The following RBFOX1 variants were observed in gnomAD, a reference collection of about 807,000 sequenced individuals.
The protein encoded by RBFOX1 is RNA binding protein fox-1 homolog 1.
RBFOX1 carries 8 observed loss-of-function variants against 57.7 expected under a neutral mutation model. The observed-to-expected ratio is 0.14, with a 90% confidence interval of 0.08 to 0.25. RBFOX1 has a LOEUF of 0.25. Ranked by LOEUF, RBFOX1 falls within the 10% of genes least tolerant of loss-of-function variation. RBFOX1 has a pLI of 1.00. For synonymous variants in RBFOX1, 326 were observed against 222.4 expected (o/e 1.47, Z -4.15); for missense variants, 611 against 548.5 (o/e 1.11, Z -1.14).
intron 2 of RBFOX1, among the ~76,000 whole-genome samples, chr16:6,493,437 G>A (rs2095681754): frequency 6.6e-6 from 1 of 152,072 alleles, no homozygotes; most frequent in African/African-American, 2.4e-5. Flanking sequence ...TATCCTCCCA[G>A]CTGTGTGTGT....
At chr16:6,357,332 G>T (rs1055762987) in intron 2 of RBFOX1, among the ~76,000 whole-genome samples, 1 of 152,050 alleles carries the variant, frequency 6.6e-6, no homozygotes, top group Non-Finnish European at 1.5e-5. Flanking sequence ...TGATTGAGAA[G>T]TTAGTGGCTA....
At chr16:7,671,453 A>C (rs2146099300) in intron 13 of RBFOX1, 1 of 1,122,062 alleles carries the variant, frequency 8.9e-7, no homozygotes, top group East Asian at 2.4e-5. Context: ...GTAAGAGAGA[A>C]GCAAACTTGT....
intron 2 of RBFOX1, among the ~76,000 whole-genome samples, chr16:6,391,759 G>C (rs141563186): frequency 6.6e-6 from 1 of 152,122 alleles, no homozygotes; most frequent in Non-Finnish European, 1.5e-5. Flanking sequence ...GGGAGAGAAG[G>C]AGAAGATTAA....
intron 3 of RBFOX1, among the ~76,000 whole-genome samples, chr16:6,906,763 C>G (rs983086946): frequency 1.2e-3 from 183 of 148,120 alleles, no homozygotes; most frequent in Non-Finnish European, 1.8e-3. Context: ...TGCTCTGTTG[C>G]TGAGGCTGGA....
chr16:6,096,370 A>G (rs530849808), intron 1 of RBFOX1, among the ~76,000 whole-genome samples: 9 of 152,204 alleles, frequency 5.9e-5, no homozygotes, highest in African/African-American at 1.9e-4. Context: ...GACCATGTGC[A>G]CCCCACTATG....
intron 1 of RBFOX1, among the ~76,000 whole-genome samples, chr16:5,243,138 C>T (rs1163855821): frequency 6.6e-6 from 1 of 152,160 alleles, no homozygotes; most frequent in Admixed American, 6.5e-5. Context: ...GTGAATGATC[C>T]CAGGGTGTGT....
intron 2 of RBFOX1, among the ~76,000 whole-genome samples, chr16:6,607,438 C>G (rs1391060659): frequency 2.0e-5 from 3 of 148,124 alleles, no homozygotes; most frequent in Non-Finnish European, 3.0e-5. Flanking sequence ...CTCTCTCTCG[C>G]TCTCTATCTC....
At chr16:7,434,375 G>A (rs1050278566) in intron 4 of RBFOX1, among the ~76,000 whole-genome samples, 4 of 152,090 alleles carry the variant, frequency 2.6e-5, no homozygotes, top group African/African-American at 2.4e-5. Flanking sequence ...TGAAGGCTGA[G>A]GCAGGAGAAT....
In RBFOX1 at chr16:5,539,072, A is replaced by G. The variant is rs376322337; in HGVS notation, c.259-59830A>G. ...TGATTTTTGAAATGCTTCTGAGGAC[A>G]GATAAGACCTGCCTTTCAGACTCTC... On this transcript the variant is annotated intron_variant, in intron 2 of 2. Transcript: ENST00000585867. Among the ~76,000 whole-genome samples, 11 of 152,298 alleles carry G rather than the reference A, an allele frequency of 7.2e-5. 1 individual carries two copies. The highest frequency in any genetic ancestry group is 3.9e-4 in the East Asian group (2 of 5,174).
At chr16:6,498,720 T>C (rs1490706470) in intron 2 of RBFOX1, among the ~76,000 whole-genome samples, 3 of 152,204 alleles carry the variant, frequency 2.0e-5, no homozygotes, top group African/African-American at 7.2e-5. Flanking sequence ...TACAATGTAT[T>C]AAGTCCTGGA....
intron 3 of RBFOX1, among the ~76,000 whole-genome samples, chr16:6,683,518 A>T (rs980242091): frequency 6.6e-6 from 1 of 152,206 alleles, no homozygotes; most frequent in African/African-American, 2.4e-5. Flanking sequence ...ACAAAACTAT[A>T]TATATATGTA....
chr16:7,326,818 C>G (rs192414002), intron 4 of RBFOX1, among the ~76,000 whole-genome samples: 1 of 152,208 alleles, frequency 6.6e-6, no homozygotes, highest in African/African-American at 2.4e-5. Flanking sequence ...GCCCTCAGGT[C>G]ACTTGTGATG....
intron 4 of RBFOX1, among the ~76,000 whole-genome samples, chr16:7,320,824 C>G (rs1452960337): frequency 6.6e-6 from 1 of 152,234 alleles, no homozygotes; most frequent in African/African-American, 2.4e-5. Context: ...AGCAACCGCA[C>G]AACAACCCTG....
chr16:5,264,802 G>C (rs1012631724), intron 1 of RBFOX1, among the ~76,000 whole-genome samples: 4 of 152,098 alleles, frequency 2.6e-5, no homozygotes, highest in Non-Finnish European at 4.4e-5. Flanking sequence ...TCTGTTCCCT[G>C]CTTGGTGATA....
chr16:7,645,820 C>A (rs541085440), intron 11 of RBFOX1, among the ~76,000 whole-genome samples: 1 of 152,214 alleles, frequency 6.6e-6, no homozygotes, highest in South Asian at 2.1e-4. Flanking sequence ...AGGGTCAATC[C>A]CAAATGTGTG....
At chr16:5,841,569 A>G (rs1257617769) in intron 3 of RBFOX1, among the ~76,000 whole-genome samples, 6 of 152,230 alleles carry the variant, frequency 3.9e-5, no homozygotes, top group Admixed American at 3.9e-4. Context: ...TCAGATACAC[A>G]GCAACCATTT....
chr16:5,905,427 G>C (rs2058434138), intron 4 of RBFOX1, among the ~76,000 whole-genome samples: 1 of 152,086 alleles, frequency 6.6e-6, no homozygotes, highest in African/African-American at 2.4e-5. Context: ...AAGACACACA[G>C]AAGGCCAGGC....
intron 1 of RBFOX1, among the ~76,000 whole-genome samples, chr16:6,164,083 C>T (rs1318186833): frequency 6.6e-6 from 1 of 152,170 alleles, no homozygotes; most frequent in African/African-American, 2.4e-5. Flanking sequence ...CTTTAGTCCT[C>T]ACGCTGTACT....
intron 5 of RBFOX1, among the ~76,000 whole-genome samples, chr16:7,534,739 T>G (rs1042319962): frequency 4.0e-5 from 6 of 151,866 alleles, no homozygotes; most frequent in Non-Finnish European, 7.4e-5. Context: ...TAGGAGACTA[T>G]CCACTCGTAG....
Sources: allele counts gnomAD v4.1 joint callset (sites outside exome capture counted in the v4.1 genomes callset), GRCh38; gene constraint gnomAD v4.1.1; transcripts MANE v1.5; gene names NCBI Gene and HGNC (gene_info 2026-07-23, HGNC 2026-07-21).